TNRC6B: variants seen among roughly 807,000 people sequenced by gnomAD.
TNRC6B encodes trinucleotide repeat containing adaptor 6B.
A neutral mutation model predicts 203.6 loss-of-function variants in TNRC6B; 52 were observed. That is an observed-to-expected ratio of 0.26 (90% CI 0.20 to 0.32). TNRC6B has a LOEUF of 0.32. Among genes scored for constraint, TNRC6B ranks in the 10% least tolerant of loss-of-function variants. The pLI, the probability that TNRC6B is intolerant of heterozygous loss-of-function variation, is 1.00. For synonymous variants in TNRC6B, 838 were observed against 845.7 expected, an observed-to-expected ratio of 0.99 and a Z score of 0.16; for missense variants, 1,923 against 2,286.2, an observed-to-expected ratio of 0.84 and a Z score of 3.24.
chr22:40,269,321 A>G (rs1277008249), intron 5 of TNRC6B, among the ~76,000 whole-genome samples: 1 of 151,306 alleles, frequency 6.6e-6, no homozygotes, highest in Non-Finnish European at 1.5e-5. Context: ...TTTGCTGGAG[A>G]TGGGGTTTTG....
chr22:40,184,084 T>C (rs2069171806), intron 1 of TNRC6B, among the ~76,000 whole-genome samples: 1 of 152,164 alleles, frequency 6.6e-6, no homozygotes, highest in African/African-American at 2.4e-5. Flanking sequence ...GACAGAAAAA[T>C]GGCTTTCATT....
intron 5 of TNRC6B, among the ~76,000 whole-genome samples, chr22:40,268,486 G>A (rs2070511101): frequency 6.6e-6 from 1 of 152,046 alleles, no homozygotes; most frequent in Admixed American, 6.6e-5. Context: ...TTCAAGTATT[G>A]AAAAGAATGA....
intron 3 of TNRC6B, among the ~76,000 whole-genome samples, chr22:40,252,620 T>C (rs970704383): frequency 1.3e-5 from 2 of 152,230 alleles, no homozygotes. Flanking sequence ...TTTGTAGTGA[T>C]GTGTAAAAGA....
intron 1 of TNRC6B, among the ~76,000 whole-genome samples, chr22:40,240,418 C>T (rs2070012739): frequency 6.6e-6 from 1 of 152,140 alleles, no homozygotes; most frequent in Non-Finnish European, 1.5e-5. Context: ...TCAAGACACA[C>T]AGAGAAAAGA....
chr22:40,308,145 A>G (rs1256924566), intron 15 of TNRC6B, among the ~76,000 whole-genome samples: 1 of 152,112 alleles, frequency 6.6e-6, no homozygotes, highest in Non-Finnish European at 1.5e-5. Flanking sequence ...TACCCTGACT[A>G]CAGCTTTGTT....
intron 1 of TNRC6B, among the ~76,000 whole-genome samples, chr22:40,064,391 G>A (rs567469722): frequency 6.7e-4 from 101 of 151,266 alleles, no homozygotes; most frequent in Non-Finnish European, 1.2e-3. Flanking sequence ...TTTTTAAGAT[G>A]GCCTTTATCG....
intron 3 of TNRC6B, among the ~76,000 whole-genome samples, chr22:40,143,938 A>AG (rs2068668464): frequency 6.6e-6 from 1 of 152,240 alleles, no homozygotes; most frequent in African/African-American, 2.4e-5. Flanking sequence ...ATTTCACAAA[A>AG]TAAGGCATCC....
Position 40,313,002 on chromosome 22 carries a change from GAGTGTGAATTTTTTGT to G in TNRC6B, c.4678+6_4678+21del, listed in dbSNP as rs1219109662. The G allele has an allele frequency of 1.2e-6, 2 of 1,611,262 alleles. No individual in the cohort carries two copies. The highest frequency in any genetic ancestry group is 1.7e-6 in the Non-Finnish European group (2 of 1,178,236). ...CCAACGTTCATAGCACTTCAGGTAT[GAGTGTGAATTTTTTGT>G]TTCCCTTTGGTTAGCACTTTTTCAT... On this transcript the variant is annotated splice_donor_region_variant and intron_variant, in intron 19 of 22. Coordinates refer to ENST00000454349, the MANE Select transcript of TNRC6B (RefSeq NM_001162501.2).
chr22:40,050,441 G>A (rs543252617), intron 1 of TNRC6B, among the ~76,000 whole-genome samples: 34 of 152,098 alleles, frequency 2.2e-4, no homozygotes, highest in Non-Finnish European at 3.7e-4. Context: ...AGCCTTTTCC[G>A]GCCTTAAGGC....
intron 3 of TNRC6B, among the ~76,000 whole-genome samples, chr22:40,252,697 G>A (rs1367818386): frequency 1.3e-5 from 2 of 152,166 alleles, no homozygotes; most frequent in African/African-American, 4.8e-5. Context: ...CATTTCCTCA[G>A]TTTCAGCCCA....
At chr22:40,140,188 A>G (rs1476829507) in intron 3 of TNRC6B, among the ~76,000 whole-genome samples, 2 of 152,248 alleles carry the variant, frequency 1.3e-5, no homozygotes, top group Non-Finnish European at 2.9e-5. Flanking sequence ...CAAAACCAGT[A>G]TACCAGCAGT....
At chr22:40,115,257 G>T (rs1364036337) in intron 1 of TNRC6B, among the ~76,000 whole-genome samples, 2 of 152,240 alleles carry the variant, frequency 1.3e-5, no homozygotes, top group East Asian at 3.8e-4. Context: ...ATCCAGAGAA[G>T]AGGCTGTGTT....
upstream of TNRC6B, among the ~76,000 whole-genome samples, chr22:40,176,141 T>G (rs1191698741): frequency 2.0e-5 from 3 of 150,322 alleles, no homozygotes; most frequent in Non-Finnish European, 3.0e-5. Context: ...TTTTTTTTTT[T>G]GAGATGGAGT....
At chr22:40,307,094 G>A (rs377185041) in intron 15 of TNRC6B, among the ~76,000 whole-genome samples, 1 of 129,148 alleles carries the variant, frequency 7.7e-6, no homozygotes. Context: ...TTCGGTTACA[G>A]AGTGTGAAAG....
chr22:40,072,992 A>G (rs886497273), intron 1 of TNRC6B, among the ~76,000 whole-genome samples: 1 of 152,074 alleles, frequency 6.6e-6, no homozygotes, highest in African/African-American at 2.4e-5. Flanking sequence ...ATTTCCTTTC[A>G]AATGAGGGCA....
chr22:40,138,751 G>C (rs956094019), intron 3 of TNRC6B, among the ~76,000 whole-genome samples: 2 of 152,128 alleles, frequency 1.3e-5, no homozygotes, highest in African/African-American at 4.8e-5. Flanking sequence ...CTCAAGTATA[G>C]AACTGTAGGA....
chr22:40,192,009 G>A (rs1176642665), intron 1 of TNRC6B, among the ~76,000 whole-genome samples: 1 of 152,060 alleles, frequency 6.6e-6, no homozygotes, highest in Non-Finnish European at 1.5e-5. Flanking sequence ...CCTTACAGAC[G>A]TGAGCCACCG....
intron 1 of TNRC6B, among the ~76,000 whole-genome samples, chr22:40,209,832 A>G (rs533980374): frequency 6.6e-6 from 1 of 152,292 alleles, no homozygotes; most frequent in Non-Finnish European, 1.5e-5. Flanking sequence ...CAGCCTGGCC[A>G]AGATGGTAAA....
intron 1 of TNRC6B, among the ~76,000 whole-genome samples, chr22:40,209,604 C>G (rs2069532784): frequency 2.6e-5 from 4 of 152,144 alleles, no homozygotes; most frequent in South Asian, 4.1e-4. Flanking sequence ...AAGCATACCC[C>G]CAGTGAGAGG....
Sources: gnomAD v4.1 joint callset for allele counts (sites outside exome capture counted in the v4.1 genomes callset) on GRCh38, gnomAD v4.1.1 for gene constraint, MANE v1.5 for transcripts, NCBI Gene and HGNC (gene_info 2026-07-23, HGNC 2026-07-21) for gene names.